The following ATF6B variants were observed in gnomAD, a reference collection of about 807,000 sequenced individuals.
ATF6B encodes activating transcription factor 6 beta.
In ATF6B, 50 loss-of-function variants were observed where a neutral mutation model predicts 83.5. The observed-to-expected ratio is 0.60, with a 90% CI of 0.48 to 0.76. The LOEUF (loss-of-function observed/expected upper bound fraction) is 0.76, where lower values mean the gene tolerates loss of function less well. ATF6B is among the 30% of genes least tolerant of loss of function. The pLI, the probability that ATF6B is intolerant of heterozygous loss-of-function variation, is 0.00. For missense variants in ATF6B, 790 were observed against 893.8 expected (o/e 0.88, Z 1.48); for synonymous variants, 344 against 362.8 (o/e 0.95, Z 0.59).
intron 5 of ATF6B, among the ~76,000 whole-genome samples, chr6:32,123,581 C>T (rs1266175257): frequency 1.3e-5 from 2 of 152,042 alleles, no homozygotes; most frequent in Admixed American, 1.3e-4. Context: ...GTAGAGATGG[C>T]GCTTCACTGT....
At position 32,119,762 on chromosome 6, in the gene ATF6B, T is replaced by C; in HGVS notation, c.966+62A>G. On this transcript the variant is annotated intron_variant, in intron 9 of 17. Transcript: ENST00000375203. The surrounding 1 kb of genome is among the most constrained non-coding windows in gnomAD (Gnocchi z 4.9). Reference sequence around the variant, plus strand: ...CCTCCTCATCCCACAGTTCTCTCTATGGCAAGACTTCCCTCTTCCCTTCCC... The same window carrying C: ...CCTCCTCATCCCACAGTTCTCTCTACGGCAAGACTTCCCTCTTCCCTTCCC... 2.5e-6 allele frequency: 4 copies of C among 1,589,798 alleles called. No individual in the cohort carries two copies. Among genetic ancestry groups the C allele is most frequent in the African/African-American group, 1.3e-5 (1 of 74,596 alleles).
rs1327613827 is a variant in ATF6B, at chr6:32,119,855, A to G, written c.935T>C (p.Met312Thr). ...TTCAGGCGGGCAGGAGTTTCCAGGC[A>G]TAGGAGCGGGAACGATGCTCTTCCT... Reference protein sequence around the residue: ...PERKSIVPAPMPGNSCPPEVD... With the variant: ...PERKSIVPAPTPGNSCPPEVD... The change falls in exon 9 of 18, where the codon ATG becomes ACG. Residue 312 changes from methionine (M) to threonine (T), a missense_variant. By Grantham distance (81) the Met-to-Thr change is moderately conservative. Transcript: ENST00000375203. This position sits in a 1 kb window ranked among gnomAD's most constrained non-coding sequence, Gnocchi z 4.9. 6.2e-7 allele frequency: 1 copy of G among 1,614,078 alleles called. No individual in the cohort carries two copies. The highest frequency in any genetic ancestry group is 1.7e-5 in the Admixed American group (1 of 60,006).
rs1781577074 is a variant in ATF6B, at chr6:32,117,499, G to A, written c.1532+88C>T. ...GAGTGAGGAGAGGGCAGGGAGCACT[G>A]GCGCTTTAGTACACAGGCCAGCCAG... is the stretch of plus-strand genomic sequence containing the variant. On this transcript the variant is annotated intron_variant, in intron 13 of 17. Coordinates refer to ENST00000375203, the MANE Select transcript of ATF6B (RefSeq NM_004381.5). This position sits in a 1 kb window ranked among gnomAD's most constrained non-coding sequence, Gnocchi z 5.0. 2.8e-5 allele frequency: 45 copies of A among 1,591,898 alleles called. No individual in the cohort carries two copies. Among genetic ancestry groups the A allele is most frequent in the Non-Finnish European group, 3.7e-5 (43 of 1,164,910 alleles).
Position 32,119,159 on chromosome 6 carries a change from C to G in ATF6B, c.967-18G>C, listed in dbSNP as rs752487279. ...AGCTTTGCCTAGGCACCCGGAAGGT[C>G]AAAAAAGAATGACAGATGAGTTGGC... On this transcript the variant is annotated intron_variant, in intron 9 of 17. Coordinates refer to ENST00000375203, the MANE Select transcript of ATF6B (RefSeq NM_004381.5). This position sits in a 1 kb window ranked among gnomAD's most constrained non-coding sequence, Gnocchi z 4.9. 6 of 1,594,166 alleles carry G rather than the reference C, an allele frequency of 3.8e-6. No individual in the cohort carries two copies. In the African/African-American group the frequency reaches 8.1e-5, roughly 22 times the overall value.
At position 32,120,062 on chromosome 6, in the gene ATF6B, G is replaced by A. The variant is rs1486234700; in HGVS notation, c.833-105C>T. ...GATTGGGCAGCCTCAATGGCTGCAA[G>A]CTCTCTGACAGGGTCAATGCAGCCC... is the stretch of plus-strand genomic sequence containing the variant. On this transcript the variant is annotated intron_variant, in intron 8 of 17. Transcript: ENST00000375203. 3.5e-6 allele frequency: 5 copies of A among 1,412,096 alleles called. No individual in the cohort carries two copies. In the African/African-American group the frequency reaches 7.3e-5, roughly 20 times the overall value. 87.5% of individuals were successfully genotyped at this position (1,412,096 alleles called of 1,614,324 possible).
At chr6:32,121,442 C>T in intron 5 of ATF6B, 94 bp from the exon 6 acceptor site, 1 of 1,258,646 alleles carries the variant, frequency 7.9e-7, no homozygotes, top group South Asian at 1.3e-5. Context: ...GTGGCTCACG[C>T]CTGTAATCTC....
chr6:32,127,378 T>G, intron 3 of ATF6B, 64 bp downstream of exon 3: 1 of 1,540,386 alleles, frequency 6.5e-7, no homozygotes, highest in East Asian at 2.3e-5. Flanking sequence ...CTACGTAGTT[T>G]CTGGGAAACA....
chr6:32,128,210 T>A lies in ATF6B; in HGVS notation c.-3A>T. The A allele has an allele frequency of 6.2e-7, 1 of 1,609,120 alleles. No homozygotes were observed. Among genetic ancestry groups the A allele is most frequent in the East Asian group, 2.2e-5 (1 of 44,714 alleles). ...CTGAGCAGCATCAGCTCCGCCATCT[T>A]TCCCCCCCACCCCCCAACCAGGAGA... On this transcript the variant is annotated 5_prime_UTR_variant, in exon 1 of 18. Transcript: ENST00000375203.
In ATF6B at chr6:32,128,225, C is replaced by CA; in HGVS notation, c.-19dup. The CA allele has an allele frequency of 6.3e-7, 1 of 1,599,592 alleles. No homozygotes were observed. The highest frequency in any genetic ancestry group is 8.5e-7 in the Non-Finnish European group (1 of 1,175,944). On this transcript the variant is annotated 5_prime_UTR_variant, in exon 1 of 18. Coordinates refer to ENST00000375203, the MANE Select transcript of ATF6B (RefSeq NM_004381.5). ...TCCGCCATCTTTCCCCCCCACCCCCCAACCAGGAGACGGTTCCCAAGGCCC... is the reference window on the plus strand; with the variant it reads ...TCCGCCATCTTTCCCCCCCACCCCCCAAACCAGGAGACGGTTCCCAAGGCCC...
intron 4 of ATF6B, 131 bp from the exon 5 acceptor site, chr6:32,126,383 G>T: frequency 1.8e-6 from 2 of 1,131,204 alleles, no homozygotes; most frequent in Non-Finnish European, 2.5e-6. Context: ...TGACATTCTG[G>T]TCTGAATGGT....
chr6:32,127,528 AG>A lies in ATF6B; in HGVS notation c.172-9del. On this transcript the variant is annotated splice_polypyrimidine_tract_variant and intron_variant, in intron 2 of 17. Coordinates refer to ENST00000375203, the MANE Select transcript of ATF6B (RefSeq NM_004381.5). Reference sequence around the variant, plus strand: ...CAGGGAGCTGCCGTCAAACTAAATAAGGGAGGATACAAGAGGGCAGGAGTGT... The same window carrying A: ...CAGGGAGCTGCCGTCAAACTAAATAAGGAGGATACAAGAGGGCAGGAGTGT... 1.9e-6 allele frequency: 3 copies of A among 1,613,168 alleles called. No homozygotes were observed. The highest frequency in any genetic ancestry group is 2.5e-6 in the Non-Finnish European group (3 of 1,179,390).
At chr6:32,120,747 G>T in intron 8 of ATF6B, 24 bp downstream of exon 8, 1 of 1,605,396 alleles carries the variant, frequency 6.2e-7, no homozygotes, top group Non-Finnish European at 8.5e-7. Context: ...CACCATGCCC[G>T]GCCCTTTTCT....
chr6:32,115,518 A>C lies in ATF6B; in HGVS notation c.*221T>G. 2.3e-6 allele frequency: 1 copy of C among 441,126 alleles called. No homozygotes were observed. 27.3% of individuals were successfully genotyped at this position (441,126 alleles called of 1,614,324 possible). A position where few individuals can be genotyped will look rare whatever the true frequency, so the allele number is the denominator to read the frequency against. ...CCTCACACAATCCCCTCAAACAAAGAAGCCAGGACTGGGGGTTCACAGGAA... is the reference window on the plus strand; with the variant it reads ...CCTCACACAATCCCCTCAAACAAAGCAGCCAGGACTGGGGGTTCACAGGAA... On this transcript the variant is annotated 3_prime_UTR_variant, in exon 18 of 18. Transcript: ENST00000375203.
chr6:32,120,448 T>C (rs1781714096), intron 8 of ATF6B: 1 of 170,246 alleles, frequency 5.9e-6, no homozygotes. Context: ...TTGGTTTTTC[T>C]TTTTTCTTTT....
At chr6:32,123,735 G>A (rs1357434165) in intron 5 of ATF6B, among the ~76,000 whole-genome samples, 1 of 151,954 alleles carries the variant, frequency 6.6e-6, no homozygotes, top group Non-Finnish European at 1.5e-5. Flanking sequence ...TTTATAACAT[G>A]TATTAATCTG....
Position 32,125,776 on chromosome 6 carries a change from G to T in ATF6B, c.478+341C>A, listed in dbSNP as rs1485164729. ...ACTCTGTCTCAACAACAACAAAAAT[G>T]TTTATAATAAAATGTTGGGTGGAGG... On this transcript the variant is annotated intron_variant, in intron 5 of 17. Coordinates refer to ENST00000375203, the MANE Select transcript of ATF6B (RefSeq NM_004381.5). This position sits in a 1 kb window ranked among gnomAD's most constrained non-coding sequence, Gnocchi z 4.1. Among the ~76,000 whole-genome samples the T allele has an allele frequency of 6.6e-6, 1 of 152,030 alleles. No individual in the cohort carries two copies. Among genetic ancestry groups the T allele is most frequent in the East Asian group, 1.9e-4 (1 of 5,190 alleles).
chr6:32,117,227 C>T lies in ATF6B; in HGVS notation c.1614+96G>A. 6.5e-7 allele frequency: 1 copy of T among 1,541,872 alleles called. No individual in the cohort carries two copies. The highest frequency in any genetic ancestry group is 8.9e-7 in the Non-Finnish European group (1 of 1,129,478). On this transcript the variant is annotated intron_variant, in intron 14 of 17. Transcript: ENST00000375203. This position sits in a 1 kb window ranked among gnomAD's most constrained non-coding sequence, Gnocchi z 5.0. Reference sequence around the variant, plus strand: ...CCTCCACTTCCTTCAAACGATCCCTCAAACTTCCACAGCGAGATGCCCACT... The same window carrying T: ...CCTCCACTTCCTTCAAACGATCCCTTAAACTTCCACAGCGAGATGCCCACT...
chr6:32,128,041 T>G, intron 1 of ATF6B, 76 bp downstream of exon 1: 1 of 1,564,072 alleles, frequency 6.4e-7, no homozygotes, highest in Non-Finnish European at 8.7e-7. Context: ...CCAGACTTCC[T>G]CTTTAGGCCC....
At position 32,116,517 on chromosome 6, in the gene ATF6B, G is replaced by A. The variant is rs1781534466; in HGVS notation, c.1845C>T (p.Pro615=). The A allele has an allele frequency of 6.2e-7, 1 of 1,606,090 alleles. No homozygotes were observed. Among genetic ancestry groups the A allele is most frequent in the Non-Finnish European group, 8.5e-7 (1 of 1,175,746 alleles). The change falls in exon 17 of 18, where the codon CCC becomes CCT. Residue 615 remains proline, a synonymous_variant. Coordinates refer to ENST00000375203, the MANE Select transcript of ATF6B (RefSeq NM_004381.5). The surrounding 1 kb of genome is among the most constrained non-coding windows in gnomAD (Gnocchi z 5.1). The part of the protein sequence containing the change: ...PAISHNKTSR[P]KMSLVMPAMA... ...TGGCAGGCATCACCAGGGACATCTT[G>A]GGCCGGGAGGTCTTGTTGTGGCTGA...
Sources: gnomAD v4.1 joint callset for allele counts (sites outside exome capture counted in the v4.1 genomes callset) on GRCh38, gnomAD v4.1.1 for gene constraint, Gnocchi (gnomAD v3.1) non-coding constraint, MANE v1.5 for transcripts, NCBI Gene and HGNC (gene_info 2026-07-23, HGNC 2026-07-21) for gene names.